The following FLI1 variants were observed in gnomAD, a reference collection of about 807,000 sequenced individuals.
FLI1 encodes the protein Fli-1 proto-oncogene, ETS transcription factor.
In FLI1, 13 loss-of-function variants were observed where a neutral mutation model predicts 53.1. That is an observed-to-expected ratio of 0.24 (90% CI 0.16 to 0.39). The LOEUF is 0.39. Among genes scored for constraint, FLI1 ranks in the 10% least tolerant of loss-of-function variants. The pLI, the probability that FLI1 is intolerant of heterozygous loss-of-function variation, is 1.00. For missense variants in FLI1, 424 were observed against 600.5 expected, an observed-to-expected ratio of 0.71 and a Z score of 3.07; for synonymous variants, 244 against 236.7, an observed-to-expected ratio of 1.03 and a Z score of -0.28.
Position 128,768,414 on chromosome 11 carries a change from G to T in FLI1, c.385+142G>T, listed in dbSNP as rs946712661. 3.1e-6 allele frequency: 3 copies of T among 977,904 alleles called. No individual in the cohort carries two copies. In the African/African-American group the frequency reaches 4.8e-5, roughly 16 times the overall value. The allele number at this position is 977,904 out of a possible 1,614,324, so 60.6% of individuals were successfully genotyped here. On this transcript the variant is annotated intron_variant, in intron 3 of 8. Transcript: ENST00000527786. Reference sequence around the variant, plus strand: ...AGCTGCACGCCAGCCGGGAGTGGTGGCTCGCGCCTGTAATCCCAGCACTTT... The same window carrying T: ...AGCTGCACGCCAGCCGGGAGTGGTGTCTCGCGCCTGTAATCCCAGCACTTT...
At chr11:128,691,089 A>G (rs1667915008), upstream of FLI1, among the ~76,000 whole-genome samples, 1 of 152,178 alleles carries the variant, frequency 6.6e-6, no homozygotes, top group South Asian at 2.1e-4. Context: ...AACACAAGAC[A>G]GTTTTCATTT....
rs117606192 is a variant in FLI1, at chr11:128,728,372, C to T, written c.19-29743C>T. On this transcript the variant is annotated intron_variant, in intron 1 of 8. Transcript: ENST00000527786. ...AGAGCTTAGTAATCACCTGTGTGTC[C>T]CTTTGCTGCGCAATGAGGGTGCTGC... 2.3e-3 allele frequency among the ~76,000 whole-genome samples: 353 copies of T among 152,380 alleles called. 1 individual carries two copies. Among genetic ancestry groups the T allele is most frequent in the Non-Finnish European group, 3.3e-3 (227 of 68,042 alleles).
At chr11:128,686,324 A>T (rs1865801869), upstream of FLI1, 2 of 456,112 alleles carry the variant, frequency 4.4e-6, no homozygotes, top group Non-Finnish European at 8.8e-6. Context: ...GAAACTGCCC[A>T]GGCCCTGGGG....
upstream of FLI1, chr11:128,693,538 G>T (rs1937851148): frequency 1.7e-5 from 3 of 179,618 alleles, no homozygotes; most frequent in Non-Finnish European, 3.6e-5. Flanking sequence ...CCCCCAAAAA[G>T]TTTGTCTCCG....
At chr11:128,690,388 A>G (rs921472477), upstream of FLI1, among the ~76,000 whole-genome samples, 30 of 152,188 alleles carry the variant, frequency 2.0e-4, no homozygotes, top group East Asian at 4.5e-3. Flanking sequence ...GTTTCAAGTG[A>G]CGGAGCCACC....
rs111649929 is a variant in FLI1, at chr11:128,797,684, T to G, written c.656-7682T>G. ...AAGTGTCTGGCAAGGTAGTAGACAT[T>G]CAGTAAAACATTGTTGAATGAATAA... is the stretch of plus-strand genomic sequence containing the variant. On this transcript the variant is annotated intron_variant, in intron 5 of 8. Coordinates refer to ENST00000527786, the MANE Select transcript of FLI1 (RefSeq NM_002017.5). Among the ~76,000 whole-genome samples, 15 of 152,298 alleles carry G rather than the reference T, an allele frequency of 9.8e-5. 1 individual carries two copies. Among genetic ancestry groups the G allele is most frequent in the African/African-American group, 3.6e-4 (15 of 41,576 alleles).
chr11:128,809,027 A>T (rs751957656), intron 7 of FLI1, 130 bp from the exon 8 acceptor site: 35 of 644,408 alleles, frequency 5.4e-5, no homozygotes, highest in Non-Finnish European at 8.2e-5. Flanking sequence ...AAAAGCAGTA[A>T]AGTTTTCTGA....
At chr11:128,783,778 G>A (rs1941997036) in intron 5 of FLI1, among the ~76,000 whole-genome samples, 1 of 152,180 alleles carries the variant, frequency 6.6e-6, no homozygotes, top group Admixed American at 6.5e-5. Flanking sequence ...TGGCCTCTAA[G>A]GAGATGACAG....
chr11:128,719,453 G>T (rs1477483275), intron 1 of FLI1, among the ~76,000 whole-genome samples: 1 of 150,864 alleles, frequency 6.6e-6, no homozygotes, highest in Non-Finnish European at 1.5e-5. Context: ...GGAGTCTCAG[G>T]CTGCCTGCCT....
intron 1 of FLI1, among the ~76,000 whole-genome samples, chr11:128,722,768 GGCCAGTGT>G (rs1369996101): frequency 1.3e-5 from 2 of 152,204 alleles, no homozygotes; most frequent in Non-Finnish European, 2.9e-5. Context: ...GAGGGATGGA[GGCCAGTGT>G]GCAGAAAAGC....
At chr11:128,714,082 T>C (rs1186499515) in intron 1 of FLI1, among the ~76,000 whole-genome samples, 1 of 152,146 alleles carries the variant, frequency 6.6e-6, no homozygotes, top group Non-Finnish European at 1.5e-5. Flanking sequence ...TTAATATGCC[T>C]TTACTATGCA....
intron 1 of FLI1, among the ~76,000 whole-genome samples, chr11:128,746,105 G>A (rs957272440): frequency 6.6e-6 from 1 of 152,036 alleles, no homozygotes; most frequent in Non-Finnish European, 1.5e-5. Flanking sequence ...AAAGATAGAA[G>A]GGGTAGTCTG....
intron 5 of FLI1, among the ~76,000 whole-genome samples, chr11:128,789,177 G>A (rs1942190551): frequency 6.6e-6 from 1 of 152,178 alleles, no homozygotes; most frequent in South Asian, 2.1e-4. Context: ...GGGTGTGTGA[G>A]TTTTCAAGTT....
chr11:128,695,331 G>A (rs931332624), intron 1 of FLI1, among the ~76,000 whole-genome samples: 10 of 152,252 alleles, frequency 6.6e-5, no homozygotes, highest in African/African-American at 1.7e-4. Context: ...GGGCCTTAGA[G>A]GACCTAGGGG....
At chr11:128,695,764 C>G (rs908620739) in intron 1 of FLI1, 3 of 152,184 alleles carry the variant, frequency 2.0e-5, no homozygotes, top group Admixed American at 6.5e-5. Context: ...TGCAAAGACC[C>G]GAGAGTGGGG....
At chr11:128,766,162 T>C (rs1313769444) in intron 2 of FLI1, among the ~76,000 whole-genome samples, 2 of 152,200 alleles carry the variant, frequency 1.3e-5, no homozygotes, top group African/African-American at 4.8e-5. Context: ...CCCAGTGCAC[T>C]CGGGCCAGAG....
At chr11:128,768,924 G>A (rs1171143259) in intron 3 of FLI1, among the ~76,000 whole-genome samples, 1 of 152,174 alleles carries the variant, frequency 6.6e-6, no homozygotes, top group Non-Finnish European at 1.5e-5. Flanking sequence ...GGGCATCCCT[G>A]CCTGTGAGGA....
chr11:128,716,147 T>G (rs1047177303), intron 1 of FLI1, among the ~76,000 whole-genome samples: 2 of 152,196 alleles, frequency 1.3e-5, no homozygotes, highest in Non-Finnish European at 2.9e-5. Context: ...AAAGCCTGAT[T>G]CATACAATGC....
At chr11:128,727,913 C>T (rs552248553) in intron 1 of FLI1, among the ~76,000 whole-genome samples, 17 of 152,174 alleles carry the variant, frequency 1.1e-4, no homozygotes, top group Non-Finnish European at 2.1e-4. Flanking sequence ...GGAGTTAAAG[C>T]GGGGAGAAGA....
Sources: allele counts gnomAD v4.1 joint callset (sites outside exome capture counted in the v4.1 genomes callset), GRCh38; gene constraint gnomAD v4.1.1; transcripts MANE v1.5; gene names NCBI Gene and HGNC (gene_info 2026-07-23, HGNC 2026-07-21).